NBPF9: variants seen among roughly 807,000 people sequenced by gnomAD.
NBPF9 encodes the protein NBPF member 9.
NBPF9 carries 91 observed loss-of-function variants against 97.8 expected under a neutral mutation model. That is an observed-to-expected ratio of 0.93 (90% CI 0.79 to 1.11). NBPF9 has a LOEUF of 1.11. Ranked by LOEUF, NBPF9 falls within the 50% of genes least tolerant of loss-of-function variation. NBPF9 has a pLI of 0.00. For synonymous variants in NBPF9, 334 were observed against 359.5 expected (o/e 0.93, Z 0.80); for missense variants, 992 against 939.5 (o/e 1.06, Z -0.73).
chr1:149,058,072 T>C, intron 27 of NBPF9, 92 bp downstream of exon 27: 2 of 392,636 alleles, frequency 5.1e-6, no homozygotes, highest in Non-Finnish European at 8.5e-6. Flanking sequence ...CTTGAAAAGA[T>C]GTAATCGATA....
chr1:149,081,918 C>G (rs587768481), intron 7 of NBPF9, 47 bp downstream of exon 7: 2 of 1,288,968 alleles, frequency 1.6e-6, no homozygotes, highest in East Asian at 2.3e-5. Context: ...AGAGAGAAGA[C>G]AGGACATCAT....
rs1187446635 is a variant in NBPF9 at position 149,062,850 on chromosome 1, G to C, written c.2078+12C>G. The C allele has an allele frequency of 3.0e-6, 2 of 666,746 alleles. No homozygotes were observed. The highest frequency in any genetic ancestry group is 1.7e-5 in the South Asian group (1 of 59,542). The allele number at this position is 666,746 out of a possible 1,614,324, so 41.3% of individuals were successfully genotyped here. ...AACACAGAATTAAGCATCCATAATT[G>C]CTCAAAGTTACCTGGGGCATGATGG... is the stretch of plus-strand genomic sequence containing the variant. On this transcript the variant is annotated intron_variant, in intron 21 of 29. Transcript: ENST00000584027.
chr1:149,076,456 C>G (rs1474762864), intron 11 of NBPF9, among the ~76,000 whole-genome samples: 1 of 150,592 alleles, frequency 6.6e-6, no homozygotes, highest in Admixed American at 6.6e-5. Flanking sequence ...CTCGGCCTCC[C>G]AAAGTGTTGG....
downstream of NBPF9, among the ~76,000 whole-genome samples, chr1:149,052,700 C>T (rs372042600): frequency 7.3e-5 from 11 of 150,522 alleles, no homozygotes; most frequent in African/African-American, 2.2e-4. Flanking sequence ...TGTATTTTTA[C>T]AAGTTCAGCC....
At chr1:149,062,179 A>C in exon 22 of NBPF9, 1 of 920,556 alleles carries the variant, frequency 1.1e-6, no homozygotes, top group East Asian at 2.4e-5. Flanking sequence ...AGGCAGTTCA[A>C]GATAACCTGA....
chr1:149,083,139 C>T (rs2080672355), intron 5 of NBPF9, among the ~76,000 whole-genome samples: 1 of 150,470 alleles, frequency 6.6e-6, no homozygotes. Context: ...GTATATATGC[C>T]ACTAATTTGT....
chr1:149,071,244 C>T (rs1455224964), intron 15 of NBPF9, 105 bp from the exon 16 acceptor site: 2 of 1,277,868 alleles, frequency 1.6e-6, no homozygotes, highest in Non-Finnish European at 2.3e-6. Context: ...AGAGTGGTCC[C>T]AGAAAGCAAA....
intron 12 of NBPF9, among the ~76,000 whole-genome samples, chr1:149,074,872 C>T (rs587744606): frequency 6.6e-6 from 1 of 151,172 alleles, no homozygotes; most frequent in African/African-American, 2.4e-5. Flanking sequence ...AGTGCAATGG[C>T]AAAACCTTGG....
exon 14 of NBPF9, chr1:149,072,724 T>C (rs1553653235): frequency 6.2e-7 from 1 of 1,611,756 alleles, no homozygotes; most frequent in Non-Finnish European, 8.5e-7. Flanking sequence ...TTACCTGGGC[T>C]GAGCTTTTGG....
rs782333968 is a variant in NBPF9 at position 149,072,958 on chromosome 1, T to C, written c.1092-26A>G. 9 of 1,602,896 alleles carry C rather than the reference T, an allele frequency of 5.6e-6. No homozygotes were observed. In the African/African-American group the frequency reaches 1.2e-4, roughly 21 times the overall value. ...CTAAGGTGAGATGGTAGAGAAAAAT[T>C]AAGAGTGGAAAGGGTTGAGTGATCC... On this transcript the variant is annotated intron_variant, in intron 13 of 29. Transcript: ENST00000584027.
rs587598092 is a variant in NBPF9, at chr1:149,068,238, C to T, written c.1637+1356G>A. Among the ~76,000 whole-genome samples the T allele has an allele frequency of 2.4e-4, 36 of 149,174 alleles. 1 individual carries two copies. The South Asian group carries it at 7.7e-3, about 32-fold the overall frequency. On this transcript the variant is annotated intron_variant, in intron 17 of 29. Transcript: ENST00000584027. ...ATCAACTAACGGGTGAAATAACCAG[C>T]TAACATCATAACGACAGGATCAAAT...
intron 7 of NBPF9, among the ~76,000 whole-genome samples, chr1:149,080,972 G>T (rs1224621678): frequency 1.3e-5 from 2 of 151,508 alleles, no homozygotes; most frequent in African/African-American, 2.4e-5. Context: ...CAGGCTGAGG[G>T]TCCCTGCTTT....
intron 4 of NBPF9, among the ~76,000 whole-genome samples, chr1:149,095,427 C>A (rs2081681927): frequency 7.1e-6 from 1 of 141,696 alleles, no homozygotes; most frequent in African/African-American, 2.6e-5. Context: ...GATACAAAAC[C>A]AAAAGCACAA....
chr1:149,067,289 T>G (rs1369654787), intron 17 of NBPF9, among the ~76,000 whole-genome samples: 1 of 118,972 alleles, frequency 8.4e-6, no homozygotes, highest in Non-Finnish European at 1.8e-5. Context: ...CCTTTATTAT[T>G]TTTTGTGTGT....
At chr1:149,094,928 GA>G (rs1349521324) in intron 4 of NBPF9, among the ~76,000 whole-genome samples, 1 of 147,590 alleles carries the variant, frequency 6.8e-6, no homozygotes, top group Middle Eastern at 3.2e-3. Flanking sequence ...AGCCTGGCTA[GA>G]ACATTAAAAA....
chr1:149,103,250 AC>A (rs1208775457), intron 1 of NBPF9, 50 bp downstream of exon 1: 1 of 149,028 alleles, frequency 6.7e-6, no homozygotes, highest in Non-Finnish European at 1.5e-5. Flanking sequence ...CCAGCTGTGT[AC>A]CCGCGGGTCC....
intron 4 of NBPF9, among the ~76,000 whole-genome samples, chr1:149,097,262 AT>A (rs1412816618): frequency 3.3e-5 from 5 of 152,172 alleles, no homozygotes; most frequent in Non-Finnish European, 7.3e-5. Flanking sequence ...CACCACCAGT[AT>A]TTTCCATTAA....
chr1:149,086,367 C>T (rs2081002527), intron 5 of NBPF9, among the ~76,000 whole-genome samples: 2 of 150,304 alleles, frequency 1.3e-5, no homozygotes, highest in Admixed American at 1.3e-4. Flanking sequence ...TTTTCCTGGG[C>T]CTTAAAGCAT....
At position 149,071,457 on chromosome 1, in the gene NBPF9, C is replaced by A. The variant is rs587664936; in HGVS notation, c.1379+147G>T. 3 of 1,081,190 alleles carry A rather than the reference C, an allele frequency of 2.8e-6. 1 individual carries two copies. The African/African-American group carries it at 4.9e-5, about 18-fold the overall frequency. The allele number at this position is 1,081,190 out of a possible 1,614,324, so 67.0% of individuals were successfully genotyped here. A position where few individuals can be genotyped will look rare whatever the true frequency, so the allele number is the denominator to read the frequency against. Reference sequence around the variant, plus strand: ...ATAGAGAAACATGACAGCTGCCGCACCCTGTGTCTAAGCTGGGTTCAATTT... The same window carrying A: ...ATAGAGAAACATGACAGCTGCCGCAACCTGTGTCTAAGCTGGGTTCAATTT... On this transcript the variant is annotated intron_variant, in intron 15 of 29. Transcript: ENST00000584027.
Sources: gnomAD v4.1 joint callset for allele counts (sites outside exome capture counted in the v4.1 genomes callset) on GRCh38, gnomAD v4.1.1 for gene constraint, MANE v1.5 for transcripts, NCBI Gene and HGNC (gene_info 2026-07-23, HGNC 2026-07-21) for gene names.